The following GRM1 variants were observed in gnomAD, a reference collection of about 807,000 sequenced individuals.
The protein encoded by GRM1 is metabotropic glutamate receptor 1.
In GRM1, 33 loss-of-function variants were observed where a neutral mutation model predicts 90.9. The observed-to-expected ratio is 0.36, with a 90% CI of 0.28 to 0.49. The LOEUF is 0.49. GRM1 is among the 20% of genes least tolerant of loss of function. The probability of loss-of-function intolerance (pLI) is 0.99; values close to 1 mark genes in which losing one functional copy is unlikely to be tolerated. For missense variants in GRM1, 1,190 were observed against 1,534.3 expected (o/e 0.78, Z 3.75); for synonymous variants, 700 against 613.2 (o/e 1.14, Z -2.09).
Position 146,029,257 on chromosome 6 carries a change from G to C in GRM1, c.-261G>C. 1.9e-6 allele frequency: 1 copy of C among 538,300 alleles called. No homozygotes were observed. The highest frequency in any genetic ancestry group is 3.4e-6 in the Non-Finnish European group (1 of 298,304). 33.3% of individuals were successfully genotyped at this position (538,300 alleles called of 1,614,324 possible). ...GTACTCTTGATCAATTTACCTTGATGCACTACCGGTGAAGAACGGGGACTC... is the reference window on the plus strand; with the variant it reads ...GTACTCTTGATCAATTTACCTTGATCCACTACCGGTGAAGAACGGGGACTC... On this transcript the variant is annotated 5_prime_UTR_variant, in exon 1 of 8. The change abolishes an upstream ATG in the 5' untranslated region. Coordinates refer to ENST00000282753, the MANE Select transcript of GRM1 (RefSeq NM_001278064.2).
chr6:146,287,277 A>G (rs1355113024), intron 2 of GRM1, among the ~76,000 whole-genome samples: 2 of 152,188 alleles, frequency 1.3e-5, no homozygotes, highest in Non-Finnish European at 2.9e-5. Context: ...TATTCTACTG[A>G]TAACTTTTCA....
chr6:146,099,057 C>T (rs1288779179), intron 1 of GRM1, among the ~76,000 whole-genome samples: 11 of 152,104 alleles, frequency 7.2e-5, no homozygotes. Context: ...GTACATACAA[C>T]CCATATTAAC....
chr6:146,195,908 A>C (rs918919444), intron 2 of GRM1, among the ~76,000 whole-genome samples: 22 of 152,216 alleles, frequency 1.4e-4, no homozygotes, highest in African/African-American at 4.8e-4. Flanking sequence ...TAGATTCAAC[A>C]GCAGGAGGTA....
rs988437023 is a variant in GRM1 at position 146,367,412 on chromosome 6, A to AT, written c.1602+9727dup. 1.5e-4 allele frequency among the ~76,000 whole-genome samples: 22 copies of AT among 151,088 alleles called. 1 individual carries two copies. In the East Asian group the frequency reaches 2.1e-3, roughly 15 times the overall value. ...TTTGTGGTTCCATGAGAATTTTAGG[A>AT]TTTTTTTTTCTATTTTTATTTTTTA... On this transcript the variant is annotated intron_variant, in intron 5 of 7. Transcript: ENST00000282753.
chr6:146,113,044 A>C (rs1021608933), intron 1 of GRM1, among the ~76,000 whole-genome samples: 3 of 152,218 alleles, frequency 2.0e-5, no homozygotes, highest in African/African-American at 7.2e-5. Flanking sequence ...TCCTTTCGAC[A>C]AAAACATCAA....
intron 1 of GRM1, among the ~76,000 whole-genome samples, chr6:146,066,915 A>G (rs559320407): frequency 6.6e-6 from 1 of 152,172 alleles, no homozygotes; most frequent in African/African-American, 2.4e-5. Flanking sequence ...ATGATACTCA[A>G]TCTTCCAAAT....
chr6:146,346,328 TAG>T (rs3838250), intron 3 of GRM1, among the ~76,000 whole-genome samples: 4,331 of 152,342 alleles, frequency 0.028, 141 homozygotes, highest in East Asian at 0.097. Context: ...GGTTAAGCAA[TAG>T]AAATTCAACT....
intron 1 of GRM1, among the ~76,000 whole-genome samples, chr6:146,132,300 T>C (rs1409333142): frequency 6.6e-6 from 1 of 152,132 alleles, no homozygotes; most frequent in East Asian, 1.9e-4. Flanking sequence ...GGGGACCACA[T>C]TGAAGGATAT....
At chr6:146,143,616 T>C (rs1776979529) in intron 1 of GRM1, among the ~76,000 whole-genome samples, 1 of 152,234 alleles carries the variant, frequency 6.6e-6, no homozygotes. Context: ...AAAATGAATC[T>C]GCAGGCAAGA....
intron 3 of GRM1, among the ~76,000 whole-genome samples, chr6:146,324,299 T>C (rs1214899984): frequency 2.6e-5 from 4 of 152,038 alleles, no homozygotes; most frequent in African/African-American, 9.7e-5. Context: ...CAGTGAGAAT[T>C]TCAAGCCAGT....
At chr6:146,032,680 T>C (rs1790750211) in intron 1 of GRM1, among the ~76,000 whole-genome samples, 2 of 152,188 alleles carry the variant, frequency 1.3e-5, no homozygotes, top group Admixed American at 6.5e-5. Flanking sequence ...TGTCTGGATA[T>C]TGGCAACTTA....
At chr6:146,374,537 A>G (rs1004007672) in intron 5 of GRM1, among the ~76,000 whole-genome samples, 2 of 152,092 alleles carry the variant, frequency 1.3e-5, no homozygotes, top group African/African-American at 4.8e-5. Context: ...TACGGCTTCA[A>G]TCTTGTTACT....
At chr6:146,104,541 G>T (rs149840958) in intron 1 of GRM1, among the ~76,000 whole-genome samples, 1 of 152,044 alleles carries the variant, frequency 6.6e-6, no homozygotes, top group East Asian at 1.9e-4. Context: ...TGTTTCATAT[G>T]GGGGGGCATT....
At chr6:146,423,456 A>G (rs1478333087) in intron 7 of GRM1, among the ~76,000 whole-genome samples, 3 of 138,366 alleles carry the variant, frequency 2.2e-5, no homozygotes, top group Non-Finnish European at 3.1e-5. Flanking sequence ...ATCATAAAGG[A>G]GATGCTCTAT....
intron 3 of GRM1, among the ~76,000 whole-genome samples, chr6:146,333,650 A>T (rs1326105335): frequency 2.0e-5 from 3 of 152,142 alleles, no homozygotes; most frequent in African/African-American, 7.2e-5. Flanking sequence ...TTTAGTCATC[A>T]TTACTTGTCT....
intron 1 of GRM1, among the ~76,000 whole-genome samples, chr6:146,038,806 G>C (rs548085048): frequency 1.3e-5 from 2 of 150,958 alleles, no homozygotes; most frequent in African/African-American, 4.9e-5. Context: ...TGTTATAAAA[G>C]GTAGAACAAA....
chr6:146,042,559 C>T (rs1320068699), intron 1 of GRM1, among the ~76,000 whole-genome samples: 3 of 151,876 alleles, frequency 2.0e-5, no homozygotes, highest in South Asian at 2.1e-4. Context: ...TAGTGAAGTT[C>T]GGGAAAGAGG....
chr6:146,063,689 A>C (rs1775750435), intron 1 of GRM1, among the ~76,000 whole-genome samples: 1 of 152,116 alleles, frequency 6.6e-6, no homozygotes, highest in Non-Finnish European at 1.5e-5. Flanking sequence ...GCTATAGTTT[A>C]GGCTTTTGAG....
intron 2 of GRM1, among the ~76,000 whole-genome samples, chr6:146,231,596 T>C (rs113133961): frequency 6.6e-6 from 1 of 152,252 alleles, no homozygotes; most frequent in African/African-American, 2.4e-5. Flanking sequence ...TGTCATGTCA[T>C]ATACTATATC....
Sources: allele counts gnomAD v4.1 joint callset (sites outside exome capture counted in the v4.1 genomes callset), GRCh38; gene constraint gnomAD v4.1.1; transcripts MANE v1.5; gene names NCBI Gene and HGNC (gene_info 2026-07-23, HGNC 2026-07-21).